The following MRTFA variants were observed in gnomAD, a reference collection of about 807,000 sequenced individuals.
MRTFA encodes the protein myocardin related transcription factor A.
MRTFA carries 20 observed loss-of-function variants against 83.5 expected under a neutral mutation model. The observed-to-expected ratio is 0.24, with a 90% CI of 0.17 to 0.35. The LOEUF (loss-of-function observed/expected upper bound fraction) is 0.35. MRTFA is among the 10% of genes least tolerant of loss of function. MRTFA has a pLI of 1.00. For missense variants in MRTFA, 1,200 were observed against 1,224.7 expected, an observed-to-expected ratio of 0.98 and a Z score of 0.30; for synonymous variants, 659 against 541.2, an observed-to-expected ratio of 1.22 and a Z score of -3.02.
intron 1 of MRTFA, among the ~76,000 whole-genome samples, chr22:40,631,009 TACAG>T (rs1461668434): frequency 1.3e-5 from 2 of 152,232 alleles, no homozygotes; most frequent in Non-Finnish European, 2.9e-5. Flanking sequence ...AAACCCATTC[TACAG>T]ACAGAGAGCC....
chr22:40,619,778 T>C (rs1477212042), intron 1 of MRTFA, among the ~76,000 whole-genome samples: 1 of 149,282 alleles, frequency 6.7e-6, no homozygotes, highest in Non-Finnish European at 1.5e-5. Flanking sequence ...TAGTCCCAGC[T>C]ATTCAGGAGG....
At chr22:40,495,314 T>C (rs2054333128) in intron 3 of MRTFA, among the ~76,000 whole-genome samples, 1 of 151,832 alleles carries the variant, frequency 6.6e-6, no homozygotes, top group African/African-American at 2.4e-5. Context: ...TAGCCAGGTG[T>C]GGTGGCGGGC....
intron 2 of MRTFA, chr22:40,587,160 G>T: frequency 2.2e-6 from 1 of 460,190 alleles, no homozygotes; most frequent in South Asian, 1.6e-5. Flanking sequence ...GGTCTGTATT[G>T]ATCATCTTGT....
chr22:40,564,190 C>A (rs2055670132), intron 2 of MRTFA, among the ~76,000 whole-genome samples: 1 of 151,964 alleles, frequency 6.6e-6, no homozygotes, highest in African/African-American at 2.4e-5. Flanking sequence ...CAGTATTCTG[C>A]TAATAGAAAT....
intron 3 of MRTFA, among the ~76,000 whole-genome samples, chr22:40,502,761 G>A (rs537370569): frequency 2.6e-5 from 4 of 151,822 alleles, no homozygotes; most frequent in South Asian, 2.1e-4. Context: ...GCTGCCTCCC[G>A]GGCGGCGCTC....
chr22:40,413,576 G>C (rs1413013374), intron 14 of MRTFA, among the ~76,000 whole-genome samples: 1 of 151,874 alleles, frequency 6.6e-6, no homozygotes, highest in Non-Finnish European at 1.5e-5. Flanking sequence ...CAAAGTGCTG[G>C]GACTACAGGT....
chr22:40,463,222 C>T lies in MRTFA; in HGVS notation c.306G>A (p.Pro102=), dbSNP rs868096885. The change falls in exon 4 of 15, where the codon CCG becomes CCA. Residue 102 remains proline, a splice_region_variant and synonymous_variant. Coordinates refer to ENST00000355630, the MANE Select transcript of MRTFA (RefSeq NM_020831.6). ...ATGCTGAGAGAGAGAGGCACTTACGCGGCATGATCCCTTGGCTCACCAGTT... is the reference window on the plus strand; with the variant it reads ...ATGCTGAGAGAGAGAGGCACTTACGTGGCATGATCCCTTGGCTCACCAGTT... 2.2e-5 allele frequency: 35 copies of T among 1,613,790 alleles called. No individual in the cohort carries two copies. Among genetic ancestry groups the T allele is most frequent in the Middle Eastern group, 3.3e-4 (2 of 6,056 alleles).
At chr22:40,514,643 T>G (rs2054726403) in intron 3 of MRTFA, among the ~76,000 whole-genome samples, 1 of 116,636 alleles carries the variant, frequency 8.6e-6, no homozygotes, top group African/African-American at 3.0e-5. Flanking sequence ...CCGGGTAATT[T>G]TTGTATGTTT....
At chr22:40,448,345 A>ACCC (rs2053423062) in intron 4 of MRTFA, among the ~76,000 whole-genome samples, 1 of 151,498 alleles carries the variant, frequency 6.6e-6, no homozygotes, top group South Asian at 2.1e-4. Flanking sequence ...GTGGTGGCAC[A>ACCC]CCCCTGTGAT....
At chr22:40,420,599 A>G (rs1201409846) in intron 10 of MRTFA, 23 bp from the exon 11 acceptor site, 1 of 1,610,044 alleles carries the variant, frequency 6.2e-7, no homozygotes, top group African/African-American at 1.3e-5. Context: ...GGCAGAAATT[A>G]GCCCCATCCA....
intron 3 of MRTFA, among the ~76,000 whole-genome samples, chr22:40,469,196 C>T (rs926242006): frequency 1.3e-5 from 2 of 152,164 alleles, no homozygotes; most frequent in African/African-American, 4.8e-5. Flanking sequence ...CAAATGTGTG[C>T]CCCCTCCAAA....
At position 40,509,097 on chromosome 22, in the gene MRTFA, TTAACTA is replaced by T. The variant is rs1391013504; in HGVS notation, c.241+43003_241+43008del. On this transcript the variant is annotated intron_variant, in intron 3 of 14. Coordinates refer to ENST00000355630, the MANE Select transcript of MRTFA (RefSeq NM_020831.6). ...AAGTCACAAAGCTGCCACAAATTGT[TTAACTA>T]TACAATTCTTCCTTTGCCAGGGTCC... 1.4e-4 allele frequency among the ~76,000 whole-genome samples: 22 copies of T among 152,316 alleles called. No individual in the cohort carries two copies. The East Asian group carries it at 3.5e-3, about 24-fold the overall frequency.
At chr22:40,554,929 G>T (rs936729735) in intron 2 of MRTFA, among the ~76,000 whole-genome samples, 1 of 152,200 alleles carries the variant, frequency 6.6e-6, no homozygotes, top group Non-Finnish European at 1.5e-5. Flanking sequence ...ATGGAGTCAA[G>T]GATTGTTTTG....
At chr22:40,500,863 C>G (rs2054456298) in intron 3 of MRTFA, among the ~76,000 whole-genome samples, 1 of 151,496 alleles carries the variant, frequency 6.6e-6, no homozygotes, top group African/African-American at 2.4e-5. Context: ...TTCTATTCCA[C>G]AAAGCCGCCA....
chr22:40,458,554 G>T (rs1169709889), intron 4 of MRTFA, among the ~76,000 whole-genome samples: 5 of 152,222 alleles, frequency 3.3e-5, no homozygotes, highest in Non-Finnish European at 7.3e-5. Flanking sequence ...AGGACTGACA[G>T]CCAGTCCTAC....
At chr22:40,505,575 GA>G (rs1291136520) in intron 3 of MRTFA, among the ~76,000 whole-genome samples, 1 of 152,192 alleles carries the variant, frequency 6.6e-6, no homozygotes, top group Non-Finnish European at 1.5e-5. Flanking sequence ...CAAAATTCAG[GA>G]GTTGTCAACG....
Position 40,411,108 on chromosome 22 carries a change from C to G in MRTFA, c.*282G>C, listed in dbSNP as rs1310151287. On this transcript the variant is annotated 3_prime_UTR_variant, in exon 15 of 15. Transcript: ENST00000355630. ...CCAGACAGACAGTGCCCCCTGACCT[C>G]AAAAAAGGAGGTCAAGCTGAAATGG... 3.9e-5 allele frequency: 13 copies of G among 337,058 alleles called. No homozygotes were observed. Among genetic ancestry groups the G allele is most frequent in the Non-Finnish European group, 7.0e-5 (13 of 185,968 alleles). The allele number at this position is 337,058 out of a possible 1,614,324, so 20.9% of individuals were successfully genotyped here. A position where few individuals can be genotyped will look rare whatever the true frequency, so the allele number is the denominator to read the frequency against.
Position 40,411,214 on chromosome 22 carries a change from T to C in MRTFA, c.*176A>G. 2 of 626,916 alleles carry C rather than the reference T, an allele frequency of 3.2e-6. No individual in the cohort carries two copies. Among genetic ancestry groups the C allele is most frequent in the Non-Finnish European group, 5.2e-6 (2 of 385,956 alleles). 38.8% of individuals were successfully genotyped at this position (626,916 alleles called of 1,614,324 possible). On this transcript the variant is annotated 3_prime_UTR_variant, in exon 15 of 15. Transcript: ENST00000355630. ...GACAGCTGCTCTCCTCTGCCCTGCGTGGCACTGAACCAGGAGTAAGGGCTT... is the reference window on the plus strand; with the variant it reads ...GACAGCTGCTCTCCTCTGCCCTGCGCGGCACTGAACCAGGAGTAAGGGCTT...
rs561325781 is a variant in MRTFA at position 40,411,201 on chromosome 22, C to A, written c.*189G>T. ...AGGGCTGCTTCTTGACAGCTGCTCTCCTCTGCCCTGCGTGGCACTGAACCA... is the reference window on the plus strand; with the variant it reads ...AGGGCTGCTTCTTGACAGCTGCTCTACTCTGCCCTGCGTGGCACTGAACCA... On this transcript the variant is annotated 3_prime_UTR_variant, in exon 15 of 15. Transcript: ENST00000355630. The A allele has an allele frequency of 1.6e-5, 9 of 558,176 alleles. No individual in the cohort carries two copies. In the South Asian group the frequency reaches 3.3e-4, roughly 20 times the overall value. The allele number at this position is 558,176 out of a possible 1,614,324, so 34.6% of individuals were successfully genotyped here.
Sources: allele counts gnomAD v4.1 joint callset (sites outside exome capture counted in the v4.1 genomes callset), GRCh38; gene constraint gnomAD v4.1.1; transcripts MANE v1.5; gene names NCBI Gene and HGNC (gene_info 2026-07-23, HGNC 2026-07-21).